Variants in MAPRE2 observed in about 807,000 individuals in gnomAD.
MAPRE2 encodes microtubule-associated protein RP/EB family member 2.
MAPRE2 carries 13 observed loss-of-function variants against 43.2 expected under a neutral mutation model. The ratio of observed to expected loss-of-function variants is 0.30; its 90% confidence interval spans 0.20 to 0.48. The LOEUF is 0.48. Ranked by LOEUF, MAPRE2 falls within the 20% of genes least tolerant of loss-of-function variation. The pLI is 0.99. For synonymous variants in MAPRE2, 135 were observed against 148.8 expected (o/e 0.91, Z 0.68); for missense variants, 161 against 400.2 (o/e 0.40, Z 5.10).
At chr18:34,982,453 C>T (rs946980072) in intron 1 of MAPRE2, among the ~76,000 whole-genome samples, 4 of 152,124 alleles carry the variant, frequency 2.6e-5, no homozygotes, top group Non-Finnish European at 5.9e-5. Flanking sequence ...CAGCATTCAC[C>T]TATTGGAGGC....
At chr18:35,098,046 G>A (rs1192510147) in intron 3 of MAPRE2, among the ~76,000 whole-genome samples, 1 of 152,098 alleles carries the variant, frequency 6.6e-6, no homozygotes. Flanking sequence ...CTTATTCATG[G>A]TTATGAAGTT....
intron 4 of MAPRE2, among the ~76,000 whole-genome samples, chr18:35,105,707 A>G (rs902980208): frequency 2.0e-5 from 3 of 152,042 alleles, no homozygotes; most frequent in South Asian, 2.1e-4. Flanking sequence ...TTCTTAGCAC[A>G]TAGCTCATTA....
chr18:35,030,040 C>T (rs951222532), intron 2 of MAPRE2, among the ~76,000 whole-genome samples: 2 of 152,190 alleles, frequency 1.3e-5, no homozygotes, highest in Admixed American at 6.5e-5. Flanking sequence ...AATAAAATAG[C>T]TAATCACTAT....
intron 2 of MAPRE2, among the ~76,000 whole-genome samples, chr18:35,006,618 T>C (rs1199923528): frequency 6.6e-6 from 1 of 152,204 alleles, no homozygotes; most frequent in East Asian, 1.9e-4. Context: ...AATTTGCAGG[T>C]ATAAAATTCA....
intron 2 of MAPRE2, among the ~76,000 whole-genome samples, chr18:35,083,749 C>T (rs1326103562): frequency 6.6e-6 from 1 of 152,072 alleles, no homozygotes; most frequent in Non-Finnish European, 1.5e-5. Flanking sequence ...GGCCACTGCA[C>T]CATTAATCAG....
rs1910745932 is a variant in MAPRE2, at chr18:35,143,198, T to C, written c.*2829T>C. The C allele has an allele frequency of 6.6e-6, 1 of 152,116 alleles. No individual in the cohort carries two copies. The highest frequency in any genetic ancestry group is 2.4e-5 in the African/African-American group (1 of 41,426). The allele number at this position is 152,116 out of a possible 1,614,324, so 9.4% of individuals were successfully genotyped here. A position where few individuals can be genotyped will look rare whatever the true frequency, so the allele number is the denominator to read the frequency against. ...TTATTCCGTTAAGGTTTAATATGCA[T>C]TCAGATTACTTTTACTAAATAGGAC... On this transcript the variant is annotated 3_prime_UTR_variant, in exon 7 of 7. Coordinates refer to ENST00000300249, the MANE Select transcript of MAPRE2 (RefSeq NM_014268.4).
intron 1 of MAPRE2, among the ~76,000 whole-genome samples, chr18:35,050,551 T>C (rs545547001): frequency 4.3e-4 from 65 of 152,334 alleles, no homozygotes; most frequent in African/African-American, 1.5e-3. Context: ...TCTGTGAATC[T>C]TACACTAACT....
intron 1 of MAPRE2, among the ~76,000 whole-genome samples, chr18:34,987,084 G>A (rs1163994115): frequency 2.0e-5 from 3 of 152,004 alleles, no homozygotes; most frequent in Non-Finnish European, 4.4e-5. Flanking sequence ...TAGATTGAGA[G>A]GAAATAAAAA....
rs1215084168 is a variant in MAPRE2 at position 35,041,432 on chromosome 18, A to T, written c.-108A>T. Reference sequence around the variant, plus strand: ...AGCTGGGAGAAGGCAGTGAGCGAGCAGGCGGCAGGCACGGTCCGTGCGGAG... The same window carrying T: ...AGCTGGGAGAAGGCAGTGAGCGAGCTGGCGGCAGGCACGGTCCGTGCGGAG... On this transcript the variant is annotated 5_prime_UTR_variant, in exon 1 of 7. Transcript: ENST00000300249. The T allele has an allele frequency of 1.3e-6, 2 of 1,577,664 alleles. No individual in the cohort carries two copies. Among genetic ancestry groups the T allele is most frequent in the Non-Finnish European group, 1.7e-6 (2 of 1,161,480 alleles).
At chr18:34,983,412 A>G (rs193036714) in intron 1 of MAPRE2, among the ~76,000 whole-genome samples, 1 of 152,288 alleles carries the variant, frequency 6.6e-6, no homozygotes, top group Non-Finnish European at 1.5e-5. Flanking sequence ...ACATGTCCTT[A>G]AGAGCAATCC....
At chr18:35,017,092 T>C (rs2097038779) in intron 2 of MAPRE2, among the ~76,000 whole-genome samples, 1 of 152,016 alleles carries the variant, frequency 6.6e-6, no homozygotes, top group Non-Finnish European at 1.5e-5. Flanking sequence ...GTCAATTTTG[T>C]TGAAGATCAG....
chr18:35,008,427 A>G (rs1186268450), intron 2 of MAPRE2, among the ~76,000 whole-genome samples: 3 of 152,152 alleles, frequency 2.0e-5, no homozygotes, highest in Admixed American at 2.0e-4. Context: ...TCCTAAAATA[A>G]CTATTTTTCC....
At chr18:35,029,672 G>T (rs1001596285) in intron 2 of MAPRE2, among the ~76,000 whole-genome samples, 8 of 152,208 alleles carry the variant, frequency 5.3e-5, no homozygotes, top group Non-Finnish European at 2.9e-5. Context: ...TAATTTATTT[G>T]TTAGCAGTAC....
intron 1 of MAPRE2, among the ~76,000 whole-genome samples, chr18:35,002,382 G>A (rs1403246354): frequency 1.3e-5 from 2 of 152,152 alleles, no homozygotes; most frequent in Non-Finnish European, 2.9e-5. Flanking sequence ...GGGCTACTAT[G>A]TATAAAACTG....
chr18:35,112,634 C>A (rs923181207), intron 4 of MAPRE2, among the ~76,000 whole-genome samples: 2 of 152,070 alleles, frequency 1.3e-5, no homozygotes, highest in Non-Finnish European at 2.9e-5. Flanking sequence ...TTCTAATGGC[C>A]CAACTAATTA....
At chr18:35,062,816 A>G (rs1402656066) in intron 1 of MAPRE2, among the ~76,000 whole-genome samples, 2 of 152,234 alleles carry the variant, frequency 1.3e-5, no homozygotes, top group African/African-American at 4.8e-5. Flanking sequence ...GCCCAAAGAA[A>G]TAAGTTTCTT....
chr18:35,019,422 A>G (rs1385544903), intron 2 of MAPRE2, among the ~76,000 whole-genome samples: 4 of 151,956 alleles, frequency 2.6e-5, no homozygotes, highest in African/African-American at 7.2e-5. Flanking sequence ...GATGTCTATT[A>G]GGTCCAAGTG....
Position 35,070,197 on chromosome 18 carries a change from G to T in MAPRE2, c.125G>T (p.Trp42Leu). The T allele has an allele frequency of 1.3e-6, 2 of 1,576,176 alleles. No homozygotes were observed. Among genetic ancestry groups the T allele is most frequent in the Admixed American group, 4.0e-5 (2 of 49,892 alleles). ...HTVRGERSYS[W>L]GMAVNVYSTS... ...AATAAACTTTGTTTTTTTTCTAGTT[G>T]GGGAATGGCGGTCAATGTGTATTCT... The change falls in exon 2 of 7, where the codon TGG becomes TTG. Residue 42 changes from tryptophan to leucine, a missense_variant and splice_region_variant. Trp to Leu is a moderately conservative substitution (Grantham distance 61). Around this residue, in one of 2 missense-constraint regions of MAPRE2, gnomAD observed 65 missense variants for 246.9 expected, o/e 0.26. Coordinates refer to ENST00000300249, the MANE Select transcript of MAPRE2 (RefSeq NM_014268.4).
chr18:35,030,761 AT>A (rs796830768), intron 2 of MAPRE2, among the ~76,000 whole-genome samples: 2 of 151,816 alleles, frequency 1.3e-5, no homozygotes, highest in Non-Finnish European at 2.9e-5. Flanking sequence ...AGCCCTGCAC[AT>A]TCTGGTTTCT....
Sources: allele counts gnomAD v4.1 joint callset (sites outside exome capture counted in the v4.1 genomes callset), GRCh38; gene constraint gnomAD v4.1.1; regional missense constraint gnomAD v4.1.1; transcripts MANE v1.5; gene names NCBI Gene and HGNC (gene_info 2026-07-23, HGNC 2026-07-21).